Variants in MSRB3 observed in about 807,000 individuals in gnomAD.
MSRB3 encodes the protein methionine-R-sulfoxide reductase B3.
A neutral mutation model predicts 21.0 loss-of-function variants in MSRB3; 13 were observed. That is an observed-to-expected ratio of 0.62 (90% CI 0.40 to 0.98). The LOEUF is 0.98. MSRB3 is among the 50% of genes least tolerant of loss of function. The pLI, the probability that MSRB3 is intolerant of heterozygous loss-of-function variation, is 0.00. For missense variants in MSRB3, 199 were observed against 230.3 expected, an observed-to-expected ratio of 0.86 and a Z score of 0.88; for synonymous variants, 87 against 88.6, an observed-to-expected ratio of 0.98 and a Z score of 0.10.
chr12:65,359,812 A>T (rs758932434), intron 4 of MSRB3, among the ~76,000 whole-genome samples: 9 of 152,154 alleles, frequency 5.9e-5, no homozygotes, highest in Admixed American at 5.9e-4. Context: ...GTTTTGTTTG[A>T]TTTGGCTAAC....
intron 6 of MSRB3, among the ~76,000 whole-genome samples, chr12:65,461,626 A>G (rs571899796): frequency 1.3e-5 from 2 of 152,292 alleles, no homozygotes; most frequent in East Asian, 3.9e-4. Context: ...CAACAGGGAA[A>G]CTAAGATTCT....
intron 4 of MSRB3, among the ~76,000 whole-genome samples, chr12:65,348,015 A>T (rs1009694756): frequency 1.3e-5 from 2 of 152,246 alleles, no homozygotes; most frequent in Non-Finnish European, 2.9e-5. Flanking sequence ...TTTTGCATCG[A>T]TGTTCATTAG....
intron 4 of MSRB3, among the ~76,000 whole-genome samples, chr12:65,367,673 G>C (rs1284319950): frequency 6.6e-6 from 1 of 152,188 alleles, no homozygotes; most frequent in Non-Finnish European, 1.5e-5. Context: ...GGGAGGGCAT[G>C]AGACAAGGCT....
chr12:65,284,855 C>T (rs951841113), intron 1 of MSRB3: 4 of 152,176 alleles, frequency 2.6e-5, no homozygotes, highest in African/African-American at 9.7e-5. Context: ...ACAAAGGATA[C>T]TGCATCCAGA....
intron 6 of MSRB3, among the ~76,000 whole-genome samples, chr12:65,460,768 A>G (rs1469150630): frequency 2.1e-5 from 3 of 142,402 alleles, no homozygotes; most frequent in Admixed American, 7.2e-5. Flanking sequence ...TGGATTAGGG[A>G]CACACCTAGA....
chr12:65,457,188 T>G (rs945090970), intron 6 of MSRB3, among the ~76,000 whole-genome samples: 5 of 152,176 alleles, frequency 3.3e-5, no homozygotes, highest in African/African-American at 1.2e-4. Flanking sequence ...TCTCTTCTTC[T>G]GCTCAGAACT....
At chr12:65,427,348 C>A (rs766932160) in intron 5 of MSRB3, among the ~76,000 whole-genome samples, 13 of 152,124 alleles carry the variant, frequency 8.5e-5, no homozygotes, top group Admixed American at 8.5e-4. Flanking sequence ...CAGCTGATAC[C>A]ACAGTGGCAG....
intron 4 of MSRB3, among the ~76,000 whole-genome samples, chr12:65,342,649 T>C (rs939315663): frequency 1.3e-5 from 2 of 152,158 alleles, no homozygotes; most frequent in African/African-American, 4.8e-5. Flanking sequence ...AAATCATTTT[T>C]ATGCATAAAG....
intron 4 of MSRB3, chr12:65,344,112 G>A (rs1876327276): frequency 6.6e-6 from 1 of 152,074 alleles, no homozygotes; most frequent in Non-Finnish European, 1.5e-5. Context: ...AAAAAACACT[G>A]TAAATGTGAA....
chr12:65,418,196 C>T (rs527889116), intron 5 of MSRB3, among the ~76,000 whole-genome samples: 3 of 152,260 alleles, frequency 2.0e-5, no homozygotes, highest in African/African-American at 7.2e-5. Flanking sequence ...CCTCTGCCTC[C>T]CAGGTTCAAG....
At chr12:65,382,588 A>G (rs1159906187) in intron 5 of MSRB3, among the ~76,000 whole-genome samples, 2 of 151,846 alleles carry the variant, frequency 1.3e-5, no homozygotes, top group African/African-American at 4.8e-5. Flanking sequence ...CAATTATACT[A>G]CTTAGGAATT....
Position 65,290,600 on chromosome 12 carries a change from A to T in MSRB3, c.-52+11735A>T, listed in dbSNP as rs551413176. On this transcript the variant is annotated intron_variant, in intron 1 of 6. Coordinates refer to ENST00000308259, the MANE Select transcript of MSRB3 (RefSeq NM_001031679.3). ...ATTCACTATTGCTTTTCTTTTTCCT[A>T]ACTGGGGGGAAAAGTATGCCTTATT... 2.8e-3 allele frequency among the ~76,000 whole-genome samples: 422 copies of T among 152,164 alleles called. 1 individual carries two copies. The highest frequency in any genetic ancestry group is 9.8e-3 in the African/African-American group (405 of 41,522).
chr12:65,364,503 T>C (rs970463106), intron 4 of MSRB3, among the ~76,000 whole-genome samples: 13 of 152,220 alleles, frequency 8.5e-5, no homozygotes, highest in African/African-American at 3.1e-4. Flanking sequence ...TTATGCATGT[T>C]ATACCCTATT....
intron 5 of MSRB3, among the ~76,000 whole-genome samples, chr12:65,408,157 C>T (rs988958007): frequency 3.3e-5 from 5 of 151,950 alleles, no homozygotes; most frequent in Admixed American, 1.3e-4. Flanking sequence ...TGCAATGGTG[C>T]GATCTCAGCT....
At chr12:65,435,160 G>A (rs1290261253) in intron 5 of MSRB3, among the ~76,000 whole-genome samples, 2 of 151,880 alleles carry the variant, frequency 1.3e-5, no homozygotes, top group African/African-American at 4.8e-5. Flanking sequence ...ATATATGTAA[G>A]TCAAGTCCCT....
chr12:65,382,700 C>A (rs927156758), intron 5 of MSRB3, among the ~76,000 whole-genome samples: 1 of 151,054 alleles, frequency 6.6e-6, no homozygotes, highest in African/African-American at 2.4e-5. Flanking sequence ...TTTGTTGGGG[C>A]TTTTTTTGTT....
intron 5 of MSRB3, among the ~76,000 whole-genome samples, chr12:65,453,166 AATAG>A (rs1470938096): frequency 6.6e-6 from 1 of 152,226 alleles, no homozygotes; most frequent in Non-Finnish European, 1.5e-5. Context: ...TGCCCATAAA[AATAG>A]ATAGATGCTA....
At chr12:65,449,921 G>T (rs969288015) in intron 5 of MSRB3, among the ~76,000 whole-genome samples, 39 of 152,104 alleles carry the variant, frequency 2.6e-4, no homozygotes, top group African/African-American at 9.2e-4. Context: ...TTTTAAAGAA[G>T]GTGGAATTGA....
chr12:65,409,239 CAG>C (rs1306942795), intron 5 of MSRB3, among the ~76,000 whole-genome samples: 2 of 151,886 alleles, frequency 1.3e-5, no homozygotes, highest in Non-Finnish European at 2.9e-5. Context: ...ATTTAATCAT[CAG>C]AATACATTCT....
Sources: gnomAD v4.1 joint callset for allele counts (sites outside exome capture counted in the v4.1 genomes callset) on GRCh38, gnomAD v4.1.1 for gene constraint, MANE v1.5 for transcripts, NCBI Gene and HGNC (gene_info 2026-07-23, HGNC 2026-07-21) for gene names.